Variants in BIN3 observed in about 807,000 individuals in gnomAD.
BIN3 encodes the protein bridging integrator 3.
BIN3 carries 41 observed loss-of-function variants against 38.2 expected under a neutral mutation model. The observed-to-expected ratio is 1.07, with a 90% confidence interval of 0.84 to 1.39. BIN3 has a LOEUF of 1.39. Among genes scored for constraint, BIN3 ranks in the 40% most tolerant of loss-of-function variants. The pLI is 0.00. For synonymous variants in BIN3, 145 were observed against 122.6 expected (o/e 1.18, Z -1.21); for missense variants, 361 against 324.3 (o/e 1.11, Z -0.87).
rs898507324 is a variant in BIN3, at chr8:22,662,230, G to A, written c.8+6814C>T. Among the ~76,000 whole-genome samples, 5 of 152,322 alleles carry A rather than the reference G, an allele frequency of 3.3e-5. No homozygotes were observed. In the South Asian group the frequency reaches 6.2e-4, roughly 19 times the overall value. On this transcript the variant is annotated intron_variant, in intron 1 of 8. Coordinates refer to ENST00000276416, the MANE Select transcript of BIN3 (RefSeq NM_018688.6). ...ATGGAGGTATGGGAGTTTCTCTAGG[G>A]TAGGGGACAGCCACTGTTCCAACTC...
At chr8:22,668,325 C>T (rs1385180364) in intron 1 of BIN3, among the ~76,000 whole-genome samples, 1 of 152,130 alleles carries the variant, frequency 6.6e-6, no homozygotes, top group Non-Finnish European at 1.5e-5. Context: ...CTACTATGAC[C>T]CAAGTATCAC....
rs747768973 is a variant in BIN3, at chr8:22,624,270, C to T, written c.432G>A (p.Lys144=). 2.5e-6 allele frequency: 4 copies of T among 1,613,984 alleles called. No homozygotes were observed. The highest frequency in any genetic ancestry group is 2.5e-6 in the Non-Finnish European group (3 of 1,179,898). ...DYRRLQAKVE[K]YEEKEKTGPV... ...GCCCCGTCTTCTCCTTTTCCTCATA[C>T]TTCTCCACCTTGGCCTGCAGCCTCC... is the stretch of plus-strand genomic sequence containing the variant. The change falls in exon 7 of 9, where the codon AAG becomes AAA. Residue 144 remains lysine (K), a synonymous_variant. Coordinates refer to ENST00000276416, the MANE Select transcript of BIN3 (RefSeq NM_018688.6).
At chr8:22,661,024 C>T (rs1184747092) in intron 1 of BIN3, among the ~76,000 whole-genome samples, 2 of 152,106 alleles carry the variant, frequency 1.3e-5, no homozygotes, top group African/African-American at 4.8e-5. Context: ...GCTGGGACTA[C>T]AGGCTTGCAC....
At chr8:22,653,017 AT>A (rs1370830177) in intron 1 of BIN3, among the ~76,000 whole-genome samples, 1 of 152,156 alleles carries the variant, frequency 6.6e-6, no homozygotes, top group Non-Finnish European at 1.5e-5. Context: ...AAATTTTAGG[AT>A]TGTTGTAAAA....
chr8:22,649,857 ACC>A (rs765863433), intron 1 of BIN3, among the ~76,000 whole-genome samples: 8,544 of 124,908 alleles, frequency 0.068, 542 homozygotes, highest in African/African-American at 0.23. Context: ...ACACACACAC[ACC>A]CCCAAAGGAA....
rs2117489406 is a variant in BIN3, at chr8:22,621,938, G to A, written c.616-370C>T. 2.0e-5 allele frequency among the ~76,000 whole-genome samples: 3 copies of A among 152,354 alleles called. 1 individual carries two copies. The South Asian group carries it at 6.2e-4, about 32-fold the overall frequency. On this transcript the variant is annotated intron_variant, in intron 8 of 8. Transcript: ENST00000276416. ...CCAAGGCTTTTGTCCATGGCAGAAA[G>A]ACAGCATGGTAGGCTGATGGCTCCC...
chr8:22,641,709 ACT>A (rs1485784864), intron 2 of BIN3, among the ~76,000 whole-genome samples: 1 of 151,984 alleles, frequency 6.6e-6, no homozygotes, highest in Non-Finnish European at 1.5e-5. Flanking sequence ...ATGTGGCCAG[ACT>A]CTCTTTGCCC....
At chr8:22,659,821 G>A (rs1436956482) in intron 1 of BIN3, among the ~76,000 whole-genome samples, 4 of 152,138 alleles carry the variant, frequency 2.6e-5, no homozygotes, top group Non-Finnish European at 5.9e-5. Context: ...TTCTAGGGTC[G>A]CTATGAAGGT....
At chr8:22,646,222 TGGAAA>T (rs2117561930) in intron 1 of BIN3, among the ~76,000 whole-genome samples, 1 of 152,328 alleles carries the variant, frequency 6.6e-6, no homozygotes, top group Non-Finnish European at 1.5e-5. Context: ...CCAATGGCTA[TGGAAA>T]GGGTAGACTC....
intron 6 of BIN3, chr8:22,625,634 C>A: frequency 1.8e-6 from 1 of 549,678 alleles, no homozygotes; most frequent in Non-Finnish European, 3.3e-6. Flanking sequence ...CTCACCCAGG[C>A]TGGAGTACAG....
chr8:22,629,977 C>T lies in BIN3; in HGVS notation c.325G>A (p.Glu109Lys), dbSNP rs201978151. 3.7e-6 allele frequency: 6 copies of T among 1,608,954 alleles called. No homozygotes were observed. Among genetic ancestry groups the T allele is most frequent in the African/African-American group, 2.7e-5 (2 of 74,966 alleles). ...ACATTTACTCACTTTTTTAAGGGCT[C>T]GATCACAGTCTTCTGGATCTGGTTC... ...KVNQIQKTVI[E>K]PLKKFGSVFP... The change falls in exon 6 of 9, where the codon GAG becomes AAG. Residue 109 changes from glutamate (E) to lysine (K), a missense_variant. Physicochemically the swap from Glu to Lys is moderately conservative, Grantham distance 56. Coordinates refer to ENST00000276416, the MANE Select transcript of BIN3 (RefSeq NM_018688.6).
intron 2 of BIN3, among the ~76,000 whole-genome samples, chr8:22,644,409 G>C (rs747236275): frequency 7.2e-5 from 11 of 152,176 alleles, no homozygotes; most frequent in Non-Finnish European, 1.3e-4. Context: ...CTTTGGTGGG[G>C]GCCACTCTTT....
chr8:22,621,411 G>C lies in BIN3; in HGVS notation c.*11C>G. On this transcript the variant is annotated 3_prime_UTR_variant, in exon 9 of 9. Coordinates refer to ENST00000276416, the MANE Select transcript of BIN3 (RefSeq NM_018688.6). ...ACCACGTCACAGGAGTCCTCCAAGA[G>C]TGACGGGGATTCAGTCATCGGCCAC... 5 of 1,611,050 alleles carry C rather than the reference G, an allele frequency of 3.1e-6. No homozygotes were observed. Among genetic ancestry groups the C allele is most frequent in the Non-Finnish European group, 4.2e-6 (5 of 1,178,652 alleles).
intron 1 of BIN3, among the ~76,000 whole-genome samples, chr8:22,663,894 T>C (rs572115042): frequency 3.3e-5 from 5 of 152,370 alleles, no homozygotes; most frequent in African/African-American, 1.2e-4. Context: ...TTCTTGATGA[T>C]GCCATACTGA....
intron 1 of BIN3, among the ~76,000 whole-genome samples, chr8:22,666,211 T>C (rs1393023917): frequency 6.6e-6 from 1 of 151,886 alleles, no homozygotes; most frequent in Admixed American, 6.6e-5. Context: ...CAGCTTAGAT[T>C]GAGGTCACTA....
chr8:22,623,193 C>T (rs538070962), intron 8 of BIN3, among the ~76,000 whole-genome samples: 5 of 152,348 alleles, frequency 3.3e-5, no homozygotes, highest in East Asian at 1.9e-4. Context: ...GGAAGGGACC[C>T]GCTTCTGGCA....
At chr8:22,666,250 T>C (rs1803412963) in intron 1 of BIN3, among the ~76,000 whole-genome samples, 2 of 150,886 alleles carry the variant, frequency 1.3e-5, no homozygotes, top group South Asian at 4.2e-4. Context: ...CCTCTCTCCA[T>C]ACCATAATAA....
At position 22,651,327 on chromosome 8, in the gene BIN3, T is replaced by C. The variant is rs146350013; in HGVS notation, c.9-6524A>G. Among the ~76,000 whole-genome samples, 841 of 152,314 alleles carry C rather than the reference T, an allele frequency of 5.5e-3. 9 individuals carry two copies. Among genetic ancestry groups the C allele is most frequent in the African/African-American group, 0.02 (811 of 41,550 alleles). On this transcript the variant is annotated intron_variant, in intron 1 of 8. Transcript: ENST00000276416. The stretch of plus-strand genomic sequence containing the variant: ...TCTCTCCTTTGCATCTTCCGGACAG[T>C]CTGCCCTGCAACTGCTGCCTCGCTC...
chr8:22,629,442 A>T (rs921153383), intron 6 of BIN3, among the ~76,000 whole-genome samples: 1 of 152,212 alleles, frequency 6.6e-6, no homozygotes, highest in Non-Finnish European at 1.5e-5. Flanking sequence ...GCCTCATAGA[A>T]GCATTCCTGA....
Sources: allele counts gnomAD v4.1 joint callset (sites outside exome capture counted in the v4.1 genomes callset), GRCh38; gene constraint gnomAD v4.1.1; transcripts MANE v1.5; gene names NCBI Gene and HGNC (gene_info 2026-07-23, HGNC 2026-07-21).